Variants in TMC7 observed in about 807,000 individuals in gnomAD.
TMC7 encodes the protein transmembrane channel like 7, also known as transmembrane channel-like protein 7.
In TMC7, 54 loss-of-function variants were observed where a neutral mutation model predicts 82.9. The observed-to-expected ratio is 0.65, with a 90% CI of 0.52 to 0.82. The LOEUF (loss-of-function observed/expected upper bound fraction) is 0.82, where lower values mean the gene tolerates loss of function less well. TMC7 is among the 40% of genes least tolerant of loss of function. TMC7 has a pLI of 0.00. For synonymous variants in TMC7, 350 were observed against 337.9 expected, an observed-to-expected ratio of 1.04 and a Z score of -0.39; for missense variants, 820 against 901.2, an observed-to-expected ratio of 0.91 and a Z score of 1.15.
chr16:19,018,226 G>T (rs1364348690), intron 3 of TMC7, among the ~76,000 whole-genome samples: 1 of 152,206 alleles, frequency 6.6e-6, no homozygotes, highest in Non-Finnish European at 1.5e-5. Flanking sequence ...AGTTCCTGTG[G>T]CCCTGAAAAT....
intron 1 of TMC7, among the ~76,000 whole-genome samples, chr16:19,002,795 A>G (rs1009387200): frequency 2.6e-5 from 4 of 152,248 alleles, no homozygotes; most frequent in Non-Finnish European, 4.4e-5. Flanking sequence ...TCCTGTGCAG[A>G]TGGTCAACAG....
At chr16:19,041,681 A>T (rs932592736) in intron 9 of TMC7, among the ~76,000 whole-genome samples, 2 of 152,058 alleles carry the variant, frequency 1.3e-5, no homozygotes, top group Non-Finnish European at 2.9e-5. Flanking sequence ...CAACTTCATT[A>T]TATCTCTAAG....
chr16:19,013,810 C>T (rs184714724), intron 2 of TMC7, among the ~76,000 whole-genome samples: 14 of 150,330 alleles, frequency 9.3e-5, no homozygotes, highest in African/African-American at 3.2e-4. Flanking sequence ...TGAGCCACTG[C>T]GCCCGGCCGA....
intron 11 of TMC7, 83 bp downstream of exon 11, chr16:19,045,521 C>A: frequency 1.0e-6 from 1 of 967,070 alleles, no homozygotes. Context: ...CTGGAGGGTC[C>A]CATTGCAGCT....
At chr16:18,999,899 G>C (rs990188290) in intron 1 of TMC7, among the ~76,000 whole-genome samples, 1 of 152,048 alleles carries the variant, frequency 6.6e-6, no homozygotes, top group African/African-American at 2.4e-5. Context: ...GAGTAGCTGG[G>C]ACTACAGGTG....
chr16:19,057,996 G>T (rs1961846346), intron 14 of TMC7, among the ~76,000 whole-genome samples: 1 of 151,690 alleles, frequency 6.6e-6, no homozygotes, highest in Non-Finnish European at 1.5e-5. Context: ...GCCCAGGTGG[G>T]TCTTGAGCTT....
At chr16:19,030,401 A>G in intron 6 of TMC7, 32 bp downstream of exon 6, 1 of 1,588,996 alleles carries the variant, frequency 6.3e-7, no homozygotes, top group Non-Finnish European at 8.6e-7. Flanking sequence ...TCTCTGAATT[A>G]CCCCTGATGG....
At chr16:19,026,476 C>CAAAA (rs567272137) in intron 5 of TMC7, among the ~76,000 whole-genome samples, 2 of 111,122 alleles carry the variant, frequency 1.8e-5, no homozygotes, top group African/African-American at 7.0e-5. Context: ...GACTCCGTCT[C>CAAAA]AAAAAAAAAA....
At chr16:18,988,598 T>C (rs2038895565) in intron 1 of TMC7, among the ~76,000 whole-genome samples, 2 of 152,150 alleles carry the variant, frequency 1.3e-5, no homozygotes, top group African/African-American at 4.8e-5. Flanking sequence ...GCCCAATTTT[T>C]GTATATTTTG....
intron 13 of TMC7, among the ~76,000 whole-genome samples, chr16:19,053,298 A>T (rs1228709743): frequency 8.3e-6 from 1 of 120,286 alleles, no homozygotes; most frequent in East Asian, 2.6e-4. Flanking sequence ...TTATTTTTTC[A>T]TTAATATTCT....
intron 1 of TMC7, among the ~76,000 whole-genome samples, chr16:19,004,261 GA>G (rs2039195362): frequency 6.6e-6 from 1 of 152,036 alleles, no homozygotes; most frequent in South Asian, 2.1e-4. Context: ...GTCTAAAGAG[GA>G]AAAATCAGAA....
chr16:19,041,376 T>A (rs1229258622), intron 9 of TMC7, among the ~76,000 whole-genome samples: 1 of 152,084 alleles, frequency 6.6e-6, no homozygotes, highest in Non-Finnish European at 1.5e-5. Flanking sequence ...TTATACCTTT[T>A]TTTTTTTGAG....
chr16:18,984,568 C>A, intron 1 of TMC7: 1 of 989,072 alleles, frequency 1.0e-6, no homozygotes, highest in Non-Finnish European at 1.2e-6. Flanking sequence ...CTGTTTATTG[C>A]TGTGGGACCT....
intron 11 of TMC7, among the ~76,000 whole-genome samples, chr16:19,045,866 G>C (rs1961253254): frequency 6.6e-6 from 1 of 152,038 alleles, no homozygotes; most frequent in Non-Finnish European, 1.5e-5. Flanking sequence ...AAAGTGCTGG[G>C]ATTATAGGCA....
In TMC7 at chr16:19,062,803, T is replaced by A. The variant is rs1962061401; in HGVS notation, c.*960T>A. 6.5e-6 allele frequency: 1 copy of A among 152,680 alleles called. No individual in the cohort carries two copies. Among genetic ancestry groups the A allele is most frequent in the African/African-American group, 2.4e-5 (1 of 41,466 alleles). The allele number at this position is 152,680 out of a possible 1,614,324, so 9.5% of individuals were successfully genotyped here. ...CATTTTAATATCTTTGAAATCTTTT[T>A]CAAAGGACTGTAGTTTTGTAATGGA... On this transcript the variant is annotated 3_prime_UTR_variant, in exon 16 of 16. Transcript: ENST00000304381.
rs375939261 is a variant in TMC7 at position 19,040,391 on chromosome 16, A to T, written c.1282A>T (p.Ile428Phe). 2.7e-5 allele frequency: 44 copies of T among 1,613,690 alleles called. No homozygotes were observed. The highest frequency in any genetic ancestry group is 2.5e-4 in the East Asian group (11 of 44,886). ...NFITPMIFAK[I>F]IRYEDYSPGF... ...TATCACCCCAATGATCTTTGCCAAG[A>T]TCATCCGCTATGAGGATTATTCTCC... Residue 428 changes from isoleucine (I) to phenylalanine (F), a missense_variant, in exon 9 of 16, where the codon ATC becomes TTC. Transcript: ENST00000304381.
chr16:19,047,028 C>T (rs576558557), intron 11 of TMC7, 35 bp from the exon 12 acceptor site: 2 of 1,559,842 alleles, frequency 1.3e-6, no homozygotes, highest in East Asian at 2.3e-5. Flanking sequence ...CCTTGGCAGA[C>T]ACCAGTAGCC....
At chr16:19,028,461 G>A (rs577001313) in intron 5 of TMC7, among the ~76,000 whole-genome samples, 1 of 152,172 alleles carries the variant, frequency 6.6e-6, no homozygotes, top group African/African-American at 2.4e-5. Flanking sequence ...AGTTGTTTTG[G>A]CTCTTTTTCT....
At chr16:19,032,918 C>T (rs77531283) in intron 6 of TMC7, among the ~76,000 whole-genome samples, 2,669 of 152,228 alleles carry the variant, frequency 0.018, 78 homozygotes, top group African/African-American at 0.061. Context: ...TGAGCCACCG[C>T]ACCCAGCCGA....
Sources: allele counts gnomAD v4.1 joint callset (sites outside exome capture counted in the v4.1 genomes callset), GRCh38; gene constraint gnomAD v4.1.1; transcripts MANE v1.5; gene names NCBI Gene and HGNC (gene_info 2026-07-23, HGNC 2026-07-21).